DMD: variants seen among roughly 807,000 people sequenced by gnomAD.
DMD encodes dystrophin, also known as mutant dystrophin.
DMD carries 63 observed loss-of-function variants against 330.1 expected under a neutral mutation model. That is an observed-to-expected ratio of 0.19 (90% CI 0.16 to 0.24). The LOEUF (loss-of-function observed/expected upper bound fraction) is 0.24, where lower values mean the gene tolerates loss of function less well. Ranked by LOEUF, DMD falls within the 10% of genes least tolerant of loss-of-function variation. DMD has a pLI of 1.00. For synonymous variants in DMD, 1,223 were observed against 959.8 expected, an observed-to-expected ratio of 1.27 and a Z score of -5.07; for missense variants, 3,344 against 2,684.1, an observed-to-expected ratio of 1.25 and a Z score of -5.43.
chrX:32,139,948 T>G (rs1415396834), intron 44 of DMD, among the ~76,000 whole-genome samples: 1 of 112,469 alleles, frequency 8.9e-6, no homozygotes, highest in East Asian at 2.8e-4. Flanking sequence ...ACGGAAAACA[T>G]AGTTGCTATA....
chrX:31,495,876 C>A (rs1377989549), intron 57 of DMD, among the ~76,000 whole-genome samples: 2 of 111,563 alleles, frequency 1.8e-5, no homozygotes, highest in Non-Finnish European at 3.8e-5. Context: ...AGCAGTCTTG[C>A]CAAAAAAAGC....
intron 53 of DMD, among the ~76,000 whole-genome samples, chrX:31,661,359 C>CT (rs11385193): frequency 0.08 from 8,272 of 102,896 alleles, 870 homozygotes; most frequent in African/African-American, 0.27. Context: ...CAAAGGTAGC[C>CT]TTTTTTTTTT....
chrX:31,999,479 A>G (rs1408812605), intron 44 of DMD, among the ~76,000 whole-genome samples: 2 of 112,046 alleles, frequency 1.8e-5, no homozygotes, highest in Non-Finnish European at 1.9e-5. Flanking sequence ...CACTGGCTTC[A>G]ACATAGAAGA....
chrX:33,018,303 G>C (rs184155273), intron 2 of DMD, among the ~76,000 whole-genome samples: 240 of 111,639 alleles, frequency 2.1e-3, no homozygotes, highest in African/African-American at 7.3e-3. Context: ...TGAAAAGTGT[G>C]AGTTGAGTTA....
intron 2 of DMD, among the ~76,000 whole-genome samples, chrX:32,963,421 G>T (rs941319418): frequency 1.8e-5 from 2 of 111,724 alleles, no homozygotes; most frequent in Admixed American, 1.9e-4. Flanking sequence ...TCTTGATGAT[G>T]CCAATGCTAG....
rs970877207 is a variant in DMD, at chrX:31,984,542, G to A, written c.6439-16028C>T. Among the ~76,000 whole-genome samples the A allele has an allele frequency of 3.6e-5, 4 of 112,013 alleles. No individual in the cohort carries two copies. The Admixed American group carries it at 3.8e-4, about 11-fold the overall frequency. Reference sequence around the variant, plus strand: ...ATCAATCAAATAGATCTTTTCTCTTGTTTGTTGTCCAAACAAATATGTTCA... The same window carrying A: ...ATCAATCAAATAGATCTTTTCTCTTATTTGTTGTCCAAACAAATATGTTCA... On this transcript the variant is annotated intron_variant, in intron 44 of 78. Coordinates refer to ENST00000357033, the MANE Select transcript of DMD (RefSeq NM_004006.3).
At chrX:32,447,005 G>A (rs1038977454) in intron 27 of DMD, among the ~76,000 whole-genome samples, 2 of 109,988 alleles carry the variant, frequency 1.8e-5, no homozygotes, top group African/African-American at 6.6e-5. Context: ...AAATCCCTTC[G>A]GAAAATGTAC....
At chrX:32,737,481 T>C (rs1262878882) in intron 7 of DMD, among the ~76,000 whole-genome samples, 2 of 109,257 alleles carry the variant, frequency 1.8e-5, no homozygotes, top group Non-Finnish European at 3.8e-5. Flanking sequence ...CTTATTCCAT[T>C]AAAAAAAAAG....
Position 32,295,958 on chromosome X carries a change from A to G in DMD, c.6118-8257T>C, listed in dbSNP as rs146804140. Among the ~76,000 whole-genome samples, 777 of 112,308 alleles carry G rather than the reference A, an allele frequency of 6.9e-3. 9 individuals are homozygous for G. The highest frequency in any genetic ancestry group is 0.024 in the African/African-American group (727 of 30,930). On this transcript the variant is annotated intron_variant, in intron 42 of 78. Transcript: ENST00000357033. ...GAGAACTAGAGTAGGGGAGAGTAAT[A>G]TCTGACAAATTGAACTTACTGTTAA... is the stretch of plus-strand genomic sequence containing the variant.
At chrX:32,664,435 G>C (rs1439830334) in intron 9 of DMD, among the ~76,000 whole-genome samples, 1 of 109,575 alleles carries the variant, frequency 9.1e-6, no homozygotes, top group African/African-American at 3.3e-5. Context: ...TAGAGACGGG[G>C]TTTCACCGTG....
At chrX:32,769,266 G>T (rs747219615) in intron 7 of DMD, among the ~76,000 whole-genome samples, 2 of 111,872 alleles carry the variant, frequency 1.8e-5, no homozygotes, top group South Asian at 3.7e-4. Context: ...AATGCGAAAG[G>T]CATGTCTCAC....
intron 2 of DMD, among the ~76,000 whole-genome samples, chrX:32,900,871 A>T (rs2086174416): frequency 8.9e-6 from 1 of 111,740 alleles, no homozygotes; most frequent in Non-Finnish European, 1.9e-5. Flanking sequence ...AAGTGTTAAA[A>T]TTGCAAATGA....
chrX:32,683,953 A>C (rs1487082941), intron 9 of DMD, among the ~76,000 whole-genome samples: 2 of 108,860 alleles, frequency 1.8e-5, no homozygotes, highest in Non-Finnish European at 3.8e-5. Flanking sequence ...AATGAAAAAA[A>C]TTGCACCATA....
At chrX:32,883,823 CAAAAAAAAAAAAA>C (rs56150142) in intron 2 of DMD, among the ~76,000 whole-genome samples, 26 of 30,337 alleles carry the variant, frequency 8.6e-4, no homozygotes, top group Middle Eastern at 0.02. Flanking sequence ...GACTCTGTTT[CAAAAAAAAAAAAA>C]AAAAAAAAAA....
chrX:32,796,729 G>A (rs149095077), intron 7 of DMD, among the ~76,000 whole-genome samples: 117 of 111,843 alleles, frequency 1.0e-3, no homozygotes, highest in Non-Finnish European at 1.8e-3. Flanking sequence ...TATGTAAAAC[G>A]TTATGCATCA....
chrX:33,054,805 G>T (rs1354830071), intron 1 of DMD, among the ~76,000 whole-genome samples: 1 of 111,938 alleles, frequency 8.9e-6, no homozygotes, highest in Non-Finnish European at 1.9e-5. Flanking sequence ...GAGGGAGAAT[G>T]CAAGAATGAT....
At chrX:32,550,666 AG>A (rs1212841031) in intron 16 of DMD, among the ~76,000 whole-genome samples, 1 of 111,086 alleles carries the variant, frequency 9.0e-6, no homozygotes, top group Non-Finnish European at 1.9e-5. Flanking sequence ...GATGCAAAAA[AG>A]CACAGAAAAG....
At chrX:31,211,991 C>G (rs1418413028) in intron 64 of DMD, among the ~76,000 whole-genome samples, 1 of 110,901 alleles carries the variant, frequency 9.0e-6, no homozygotes, top group Non-Finnish European at 1.9e-5. Flanking sequence ...CATGCATATG[C>G]TTTTCAAAAT....
chrX:31,607,693 G>T (rs1049085957), intron 55 of DMD, among the ~76,000 whole-genome samples: 1 of 111,889 alleles, frequency 8.9e-6, no homozygotes, highest in African/African-American at 3.2e-5. Flanking sequence ...GAAATGTAAA[G>T]AAATACCAAT....
Sources: gnomAD v4.1 joint callset for allele counts (sites outside exome capture counted in the v4.1 genomes callset) on GRCh38, gnomAD v4.1.1 for gene constraint, MANE v1.5 for transcripts, NCBI Gene and HGNC (gene_info 2026-07-23, HGNC 2026-07-21) for gene names.